Variants in PTPRN2 observed in about 807,000 individuals in gnomAD.
PTPRN2 encodes protein tyrosine phosphatase receptor type N2, also known as receptor-type tyrosine-protein phosphatase N2.
PTPRN2 carries 74 observed loss-of-function variants against 118.8 expected under a neutral mutation model. The ratio of observed to expected loss-of-function variants is 0.62; its 90% CI spans 0.52 to 0.76. PTPRN2 has a LOEUF of 0.76. Among genes scored for constraint, PTPRN2 ranks in the 30% least tolerant of loss-of-function variants. The probability of loss-of-function intolerance (pLI) is 0.00; values close to 1 mark genes in which losing one functional copy is unlikely to be tolerated. For synonymous variants in PTPRN2, 641 were observed against 608.0 expected, an observed-to-expected ratio of 1.05 and a Z score of -0.80; for missense variants, 1,481 against 1,394.4, an observed-to-expected ratio of 1.06 and a Z score of -0.99.
intron 11 of PTPRN2, among the ~76,000 whole-genome samples, chr7:157,917,259 T>C (rs533499467): frequency 1.3e-5 from 2 of 152,364 alleles, no homozygotes; most frequent in African/African-American, 4.8e-5. Flanking sequence ...ATGTCCTGTA[T>C]GAAGCGAAGG....
chr7:157,564,854 C>A (rs1420770918), intron 21 of PTPRN2, among the ~76,000 whole-genome samples: 2 of 152,236 alleles, frequency 1.3e-5, no homozygotes, highest in Non-Finnish European at 2.9e-5. Context: ...CCCTCACATC[C>A]ACATTCACAG....
chr7:158,029,014 T>C (rs1354077252), intron 11 of PTPRN2: 1 of 152,286 alleles, frequency 6.6e-6, no homozygotes, highest in East Asian at 1.9e-4. Context: ...AACCAGCACA[T>C]GGGGCTATTT....
At chr7:157,577,596 G>A (rs188550182) in intron 18 of PTPRN2, among the ~76,000 whole-genome samples, 5 of 152,324 alleles carry the variant, frequency 3.3e-5, no homozygotes, top group Admixed American at 2.6e-4. Context: ...CTGGCATCAA[G>A]GATGGGCGCC....
chr7:158,133,011 G>T (rs1315549067), intron 9 of PTPRN2, among the ~76,000 whole-genome samples: 1 of 152,232 alleles, frequency 6.6e-6, no homozygotes, highest in African/African-American at 2.4e-5. Context: ...CATTAACGGG[G>T]TGACCTGAGA....
chr7:158,150,288 T>C (rs151101014), intron 6 of PTPRN2, among the ~76,000 whole-genome samples: 339 of 152,358 alleles, frequency 2.2e-3, no homozygotes, highest in African/African-American at 7.2e-3. Context: ...AGGCTGTTTC[T>C]GCTAAAGGCT....
At chr7:158,018,108 T>C (rs548983567) in intron 11 of PTPRN2, among the ~76,000 whole-genome samples, 1 of 152,288 alleles carries the variant, frequency 6.6e-6, no homozygotes, top group South Asian at 2.1e-4. Flanking sequence ...ATGGGGTATG[T>C]GTTGCGGACT....
At chr7:158,325,612 T>C (rs560136759) in intron 2 of PTPRN2, among the ~76,000 whole-genome samples, 8 of 152,198 alleles carry the variant, frequency 5.3e-5, no homozygotes, top group Non-Finnish European at 1.2e-4. Context: ...AGTTCTTGAA[T>C]TGTGAGCAAG....
At chr7:158,332,663 G>C (rs1254607690) in intron 2 of PTPRN2, among the ~76,000 whole-genome samples, 2 of 147,194 alleles carry the variant, frequency 1.4e-5, no homozygotes, top group East Asian at 2.0e-4. Context: ...GATGCCTGCA[G>C]ACATCACTCA....
chr7:158,242,169 C>G (rs927169476), intron 3 of PTPRN2, among the ~76,000 whole-genome samples: 1 of 152,106 alleles, frequency 6.6e-6, no homozygotes, highest in Non-Finnish European at 1.5e-5. Context: ...AGGAGCTGAA[C>G]CTAAAGTTTC....
chr7:158,579,931 G>T (rs1028697024), intron 1 of PTPRN2, among the ~76,000 whole-genome samples: 3 of 152,234 alleles, frequency 2.0e-5, no homozygotes, highest in African/African-American at 7.2e-5. Flanking sequence ...TCTAACCACA[G>T]CTGTATCTCA....
chr7:157,915,014 CTCTTT>C (rs956564676), intron 11 of PTPRN2, among the ~76,000 whole-genome samples: 11 of 152,128 alleles, frequency 7.2e-5, no homozygotes, highest in Non-Finnish European at 1.6e-4. Context: ...AAATTGTGGT[CTCTTT>C]TAAGACTATT....
rs564429044 is a variant in PTPRN2 at position 157,788,389 on chromosome 7, A to G, written c.1789-105452T>C. 7.9e-5 allele frequency among the ~76,000 whole-genome samples: 12 copies of G among 151,784 alleles called. No homozygotes were observed. In the South Asian group the frequency reaches 1.2e-3, roughly 16 times the overall value. On this transcript the variant is annotated intron_variant, in intron 12 of 22. Coordinates refer to ENST00000389418, the MANE Select transcript of PTPRN2 (RefSeq NM_002847.5). ...GACTCCATCTCAAAAAAAAAAAAAA[A>G]AAAGAAAGTACAGGAAGCTTTCAGC...
intron 3 of PTPRN2, among the ~76,000 whole-genome samples, chr7:158,276,285 G>C: frequency 1.8e-5 from 1 of 56,272 alleles, no homozygotes; most frequent in Non-Finnish European, 4.1e-5. Context: ...CAGGCTGTAA[G>C]GCAGCACCCC....
Position 158,529,473 on chromosome 7 carries a change from C to G in PTPRN2, c.113-39688G>C, listed in dbSNP as rs1032324275. ...TGCTGCTGACCACGGCCAGCAACGA[C>G]GAGCCATGGTGACAGCTCACACACA... On this transcript the variant is annotated intron_variant, in intron 1 of 22. Transcript: ENST00000389418. The surrounding 1 kb of genome is among the most constrained non-coding windows in gnomAD (Gnocchi z 4.7). 6.6e-6 allele frequency among the ~76,000 whole-genome samples: 1 copy of G among 152,186 alleles called. No individual in the cohort carries two copies. Among genetic ancestry groups the G allele is most frequent in the East Asian group, 1.9e-4 (1 of 5,184 alleles).
At chr7:158,453,064 C>T (rs144888413) in intron 2 of PTPRN2, among the ~76,000 whole-genome samples, 2,376 of 150,932 alleles carry the variant, frequency 0.016, 75 homozygotes, top group South Asian at 0.059. Flanking sequence ...ACAGCCTGGA[C>T]GTAGGGGAAT....
chr7:158,012,988 G>C (rs186183328), intron 11 of PTPRN2, among the ~76,000 whole-genome samples: 1 of 152,198 alleles, frequency 6.6e-6, no homozygotes, highest in East Asian at 1.9e-4. Context: ...TCAGACAGAA[G>C]TAGAGATTTA....
At chr7:157,734,864 G>A (rs886844744) in intron 12 of PTPRN2, among the ~76,000 whole-genome samples, 12 of 152,236 alleles carry the variant, frequency 7.9e-5, no homozygotes, top group African/African-American at 1.4e-4. Flanking sequence ...AGGACCTGGC[G>A]CTCGGCCATG....
chr7:157,664,722 G>T (rs761014700), intron 13 of PTPRN2, among the ~76,000 whole-genome samples: 1 of 152,196 alleles, frequency 6.6e-6, no homozygotes, highest in Non-Finnish European at 1.5e-5. Flanking sequence ...TTGCACCAAT[G>T]CACTCCAACC....
chr7:158,202,381 C>T (rs1314466728), intron 4 of PTPRN2, among the ~76,000 whole-genome samples: 3 of 152,110 alleles, frequency 2.0e-5, no homozygotes, highest in South Asian at 2.1e-4. Context: ...GAGGAAGGCA[C>T]CGGCAGGACT....
Sources: gnomAD v4.1 joint callset for allele counts (sites outside exome capture counted in the v4.1 genomes callset) on GRCh38, gnomAD v4.1.1 for gene constraint, Gnocchi (gnomAD v3.1) non-coding constraint, MANE v1.5 for transcripts, NCBI Gene and HGNC (gene_info 2026-07-23, HGNC 2026-07-21) for gene names.